RIMS1: variants seen among roughly 807,000 people sequenced by gnomAD.
The protein encoded by RIMS1 is regulating synaptic membrane exocytosis protein 1.
In RIMS1, 83 loss-of-function variants were observed where a neutral mutation model predicts 214.1. The observed-to-expected ratio is 0.39, with a 90% CI of 0.32 to 0.47. The LOEUF is 0.47. RIMS1 is among the 20% of genes least tolerant of loss of function. The pLI, the probability that RIMS1 is intolerant of heterozygous loss-of-function variation, is 0.99. For missense variants in RIMS1, 2,050 were observed against 2,161.8 expected (o/e 0.95, Z 1.03); for synonymous variants, 793 against 786.8 (o/e 1.01, Z -0.13).
rs1159997565 is a variant in RIMS1 at position 72,162,541 on chromosome 6, G to A, written c.472-17034G>A. 4.3e-5 allele frequency among the ~76,000 whole-genome samples: 6 copies of A among 140,210 alleles called. 1 individual carries two copies. The highest frequency in any genetic ancestry group is 1.5e-4 in the African/African-American group (6 of 40,486). The allele number at this position is 140,210 out of a possible 152,430, so 92.0% of individuals were successfully genotyped here. A position where few individuals can be genotyped will look rare whatever the true frequency, so the allele number is the denominator to read the frequency against. On this transcript the variant is annotated intron_variant, in intron 4 of 33. Transcript: ENST00000521978. ...TGGCTGGTACTGGTTGTTCCTTTCC[G>A]TGTTTAGTGCTTCCTTCAGGAGCTC...
intron 4 of RIMS1, among the ~76,000 whole-genome samples, chr6:72,112,238 T>C (rs777418153): frequency 7.2e-5 from 11 of 152,100 alleles, no homozygotes; most frequent in Non-Finnish European, 1.6e-4. Flanking sequence ...CCACCTCCAC[T>C]TTCGCCAAAC....
In RIMS1 at chr6:72,096,951, G is replaced by A. The variant is rs373573052; in HGVS notation, c.248G>A (p.Arg83Lys). 4.4e-5 allele frequency: 71 copies of A among 1,612,444 alleles called. No individual in the cohort carries two copies. Among genetic ancestry groups the A allele is most frequent in the Admixed American group, 1.2e-4 (7 of 59,852 alleles). ...AENQPHQPSP[R>K]LHQQFESYKE... ...CTACCATTTTCTCTTTTGCCTAGGA[G>A]ATTGCATCAACAGTTTGAAAGCTAT... Residue 83 changes from arginine (R) to lysine (K), a missense_variant and splice_region_variant, in exon 3 of 34, where the codon AGA becomes AAA. Arg to Lys is a conservative substitution (Grantham distance 26, BLOSUM62 2). This residue lies in a region of RIMS1 where 882 missense variants were observed against 828.9 expected (regional missense o/e 1.06). Coordinates refer to ENST00000521978, the MANE Select transcript of RIMS1 (RefSeq NM_014989.7).
At chr6:72,020,967 G>C (rs1184118227) in intron 2 of RIMS1, among the ~76,000 whole-genome samples, 2 of 152,248 alleles carry the variant, frequency 1.3e-5, no homozygotes, top group African/African-American at 2.4e-5. Flanking sequence ...ACTGATTACT[G>C]TATCTGTTTT....
At chr6:72,110,361 A>C (rs1282001047) in intron 4 of RIMS1, among the ~76,000 whole-genome samples, 1 of 151,796 alleles carries the variant, frequency 6.6e-6, no homozygotes, top group Non-Finnish European at 1.5e-5. Context: ...ATTTGTTTGT[A>C]TCCTCTTTTA....
rs79462732 is a variant in RIMS1, at chr6:72,193,891, A to G, written c.1678+10742A>G. 2.7e-4 allele frequency among the ~76,000 whole-genome samples: 41 copies of G among 152,274 alleles called. No homozygotes were observed. The East Asian group carries it at 7.9e-3, about 29-fold the overall frequency. On this transcript the variant is annotated intron_variant, in intron 6 of 33. Transcript: ENST00000521978. ...AAAAGAAACAGTTTTGTATGTTATG[A>G]GCCCCAATAGAGTGAGAAGGCAAAG...
At chr6:71,948,614 T>G (rs1276494420) in intron 1 of RIMS1, among the ~76,000 whole-genome samples, 1 of 152,230 alleles carries the variant, frequency 6.6e-6, no homozygotes, top group African/African-American at 2.4e-5. Flanking sequence ...TTGTGAAGAT[T>G]TAATGCTCTT....
intron 2 of RIMS1, among the ~76,000 whole-genome samples, chr6:72,064,172 G>C (rs1828648017): frequency 6.6e-6 from 1 of 152,124 alleles, no homozygotes; most frequent in African/African-American, 2.4e-5. Context: ...ACAAAAATTA[G>C]CCAGGCATAG....
chr6:71,943,144 C>A (rs980736658), intron 1 of RIMS1, among the ~76,000 whole-genome samples: 3 of 152,120 alleles, frequency 2.0e-5, no homozygotes, highest in Admixed American at 2.0e-4. Context: ...TTACCTACCA[C>A]TGAGTTGTAA....
chr6:72,009,276 C>T (rs1418586974), intron 2 of RIMS1, among the ~76,000 whole-genome samples: 2 of 152,122 alleles, frequency 1.3e-5, no homozygotes, highest in Non-Finnish European at 1.5e-5. Flanking sequence ...TTGAAACCAA[C>T]AAGAACAAAG....
intron 4 of RIMS1, among the ~76,000 whole-genome samples, chr6:72,161,618 T>C (rs2045427110): frequency 7.1e-6 from 1 of 139,892 alleles, no homozygotes; most frequent in East Asian, 2.0e-4. Flanking sequence ...AAAGAACATC[T>C]TTATTTCTGC....
chr6:72,390,917 G>T, intron 30 of RIMS1, 181 bp downstream of exon 30: 1 of 530,178 alleles, frequency 1.9e-6, no homozygotes. Flanking sequence ...TCTACACCTG[G>T]TCATTCATAC....
In RIMS1 at chr6:72,288,071, T is replaced by C. The variant is rs574269103; in HGVS notation, c.3555-2608T>C. On this transcript the variant is annotated intron_variant, in intron 24 of 33. Coordinates refer to ENST00000521978, the MANE Select transcript of RIMS1 (RefSeq NM_014989.7). ...TCATGGTACATCCTGAGATGTGAAA[T>C]TACCACTTTTTTCTCATGATACACA... Among the ~76,000 whole-genome samples the C allele has an allele frequency of 3.9e-5, 6 of 152,220 alleles. No individual in the cohort carries two copies. In the East Asian group the frequency reaches 9.7e-4, roughly 25 times the overall value.
At position 72,264,834 on chromosome 6, in the gene RIMS1, T is replaced by G. The variant is rs1363096665; in HGVS notation, c.3117-141T>G. Reference sequence around the variant, plus strand: ...TAATTGTAGTCTTCCCTTCAAATAGTTATTGTGGTTCTTTTGAGAAAAAAA... The same window carrying G: ...TAATTGTAGTCTTCCCTTCAAATAGGTATTGTGGTTCTTTTGAGAAAAAAA... On this transcript the variant is annotated intron_variant, in intron 19 of 33. Transcript: ENST00000521978. 9 of 558,614 alleles carry G rather than the reference T, an allele frequency of 1.6e-5. No individual in the cohort carries two copies. The African/African-American group carries it at 1.8e-4, about 11-fold the overall frequency. The allele number at this position is 558,614 out of a possible 1,614,324, so 34.6% of individuals were successfully genotyped here. A position where few individuals can be genotyped will look rare whatever the true frequency, so the allele number is the denominator to read the frequency against.
chr6:72,302,446 A>G (rs1592619043), intron 26 of RIMS1, among the ~76,000 whole-genome samples: 1 of 151,670 alleles, frequency 6.6e-6, no homozygotes, highest in African/African-American at 2.4e-5. Flanking sequence ...GGTATAGTCT[A>G]TACTGATTCA....
intron 2 of RIMS1, among the ~76,000 whole-genome samples, chr6:72,048,027 A>C (rs1375295305): frequency 1.3e-5 from 2 of 152,224 alleles, no homozygotes; most frequent in African/African-American, 4.8e-5. Context: ...TTTTCTATGT[A>C]GTTGGAACAC....
intron 2 of RIMS1, among the ~76,000 whole-genome samples, chr6:71,970,911 G>T (rs1795691017): frequency 6.6e-6 from 1 of 152,012 alleles, no homozygotes. Context: ...ATTGGGAGGG[G>T]GTAATTGAGG....
chr6:72,293,764 A>T (rs1315929133), intron 26 of RIMS1, among the ~76,000 whole-genome samples: 8 of 151,810 alleles, frequency 5.3e-5, no homozygotes, highest in Admixed American at 3.9e-4. Context: ...TTGGTTTTTT[A>T]AAAAAGCTCA....
chr6:72,219,130 G>A (rs544498321), intron 6 of RIMS1, among the ~76,000 whole-genome samples: 12 of 152,228 alleles, frequency 7.9e-5, no homozygotes, highest in African/African-American at 2.9e-4. Flanking sequence ...CAGGTCATCT[G>A]TAAACACTTT....
chr6:72,082,852 ATGT>A (rs984539521), intron 2 of RIMS1, among the ~76,000 whole-genome samples: 9 of 152,126 alleles, frequency 5.9e-5, no homozygotes, highest in African/African-American at 1.9e-4. Flanking sequence ...AAGCCATTAG[ATGT>A]TGTGGAAATT....
Sources: gnomAD v4.1 joint callset for allele counts (sites outside exome capture counted in the v4.1 genomes callset) on GRCh38, gnomAD v4.1.1 for gene constraint, gnomAD v4.1.1 regional missense constraint, MANE v1.5 for transcripts, NCBI Gene and HGNC (gene_info 2026-07-23, HGNC 2026-07-21) for gene names.